The following AGBL1 variants were observed in gnomAD, a reference collection of about 807,000 sequenced individuals.
AGBL1 encodes the protein cytosolic carboxypeptidase 4.
AGBL1 carries 130 observed loss-of-function variants against 118.9 expected under a neutral mutation model. The observed-to-expected ratio is 1.09, with a 90% CI of 0.95 to 1.26. The LOEUF (loss-of-function observed/expected upper bound fraction) is 1.26, where lower values mean the gene tolerates loss of function less well. Ranked by LOEUF, AGBL1 falls within the 50% of genes most tolerant of loss-of-function variation. The pLI is 0.00. For missense variants in AGBL1, 1,584 were observed against 1,298.1 expected (o/e 1.22, Z -3.38); for synonymous variants, 555 against 478.9 (o/e 1.16, Z -2.08).
intron 22 of AGBL1, among the ~76,000 whole-genome samples, chr15:86,821,115 A>C (rs369955433): frequency 4.6e-5 from 7 of 152,138 alleles, no homozygotes; most frequent in East Asian, 3.9e-4. Context: ...CTCATAAGGG[A>C]GTTGAACAAA....
chr15:86,733,968 T>C (rs2077560580), intron 22 of AGBL1, among the ~76,000 whole-genome samples: 1 of 152,174 alleles, frequency 6.6e-6, no homozygotes, highest in Non-Finnish European at 1.5e-5. Flanking sequence ...TCCTCCCTTC[T>C]CTAGGTCTAT....
chr15:86,709,893 A>G (rs1400691022), intron 22 of AGBL1, among the ~76,000 whole-genome samples: 2 of 152,166 alleles, frequency 1.3e-5, no homozygotes, highest in Non-Finnish European at 2.9e-5. Flanking sequence ...CCTAATTGCT[A>G]TTTGTGTTCA....
chr15:86,670,581 G>T (rs1450752322), intron 21 of AGBL1, among the ~76,000 whole-genome samples: 1 of 138,280 alleles, frequency 7.2e-6, no homozygotes, highest in Admixed American at 7.2e-5. Flanking sequence ...TCCAGCCTGG[G>T]TGACAAGAGT....
intron 23 of AGBL1, among the ~76,000 whole-genome samples, chr15:86,937,933 G>A (rs1195057929): frequency 1.3e-5 from 2 of 152,208 alleles, no homozygotes; most frequent in East Asian, 1.9e-4. Context: ...AAGTAGAATT[G>A]CAAGAGGTGA....
At chr15:87,001,577 C>G (rs1477916230) in intron 24 of AGBL1, among the ~76,000 whole-genome samples, 2 of 152,042 alleles carry the variant, frequency 1.3e-5, no homozygotes, top group Non-Finnish European at 2.9e-5. Context: ...AATGGTTGAA[C>G]TAGTTTACAG....
Position 86,947,545 on chromosome 15 carries a change from G to A in AGBL1, c.3222-40442G>A, listed in dbSNP as rs181919465. On this transcript the variant is annotated intron_variant, in intron 23 of 24. Transcript: ENST00000441037. ...AAAGGATTGCTGAGCTAATTCCAGC[G>A]AATTTTTTATTAATTTATTTTGAAA... Among the ~76,000 whole-genome samples, 713 of 152,212 alleles carry A rather than the reference G, an allele frequency of 4.7e-3. 5 individuals carry two copies. Among genetic ancestry groups the A allele is most frequent in the African/African-American group, 0.015 (626 of 41,534 alleles).
At chr15:86,882,358 A>G (rs1234835153) in intron 22 of AGBL1, among the ~76,000 whole-genome samples, 1 of 152,172 alleles carries the variant, frequency 6.6e-6, no homozygotes. Context: ...CAAATAATAA[A>G]ACATCTCTAT....
chr15:86,833,105 C>A (rs1336989692), intron 22 of AGBL1, among the ~76,000 whole-genome samples: 1 of 152,116 alleles, frequency 6.6e-6, no homozygotes, highest in Admixed American at 6.5e-5. Flanking sequence ...AAAGACCCGC[C>A]CCCATGATTC....
intron 22 of AGBL1, among the ~76,000 whole-genome samples, chr15:86,903,105 T>G (rs894726333): frequency 6.6e-6 from 1 of 152,030 alleles, no homozygotes; most frequent in Non-Finnish European, 1.5e-5. Flanking sequence ...TATTTTCACG[T>G]TTTTGTTCAG....
intron 18 of AGBL1, among the ~76,000 whole-genome samples, chr15:86,478,556 C>G (rs915363914): frequency 6.6e-6 from 1 of 152,090 alleles, no homozygotes; most frequent in Non-Finnish European, 1.5e-5. Flanking sequence ...GGGAGAACTA[C>G]AAACCACTGC....
intron 21 of AGBL1, among the ~76,000 whole-genome samples, chr15:86,581,650 C>T (rs2084174224): frequency 6.6e-6 from 1 of 152,138 alleles, no homozygotes; most frequent in African/African-American, 2.4e-5. Context: ...TTCAGTCACC[C>T]ATGAATGGGT....
intron 17 of AGBL1, among the ~76,000 whole-genome samples, chr15:86,315,319 C>T (rs76091668): frequency 0.02 from 3,074 of 152,228 alleles, 107 homozygotes; most frequent in African/African-American, 0.068. Context: ...GCTAGGTAGA[C>T]TTCTAAAGGT....
chr15:86,775,281 A>C (rs2078238810), intron 22 of AGBL1, among the ~76,000 whole-genome samples: 1 of 152,184 alleles, frequency 6.6e-6, no homozygotes, highest in African/African-American at 2.4e-5. Context: ...GTAATAGATT[A>C]ATTCCAGATG....
In AGBL1 at chr15:86,277,147, A is replaced by ATTT. The variant is rs60962004; in HGVS notation, c.2076-2478_2076-2476dup. The stretch of plus-strand genomic sequence containing the variant: ...TTCTAAATAAGGTGTTTATAATAAG[A>ATTT]TTTTTTTTTTTTTTTTGGAATTCCA... On this transcript the variant is annotated intron_variant, in intron 15 of 22. Coordinates refer to ENST00000614907, the MANE Select transcript of AGBL1 (RefSeq NM_001386094.1). Among the ~76,000 whole-genome samples, 256 of 143,384 alleles carry ATTT rather than the reference A, an allele frequency of 1.8e-3. 1 individual carries two copies. Among genetic ancestry groups the ATTT allele is most frequent in the African/African-American group, 4.9e-3 (190 of 39,118 alleles). 94.1% of individuals were successfully genotyped at this position (143,384 alleles called of 152,430 possible). A position where few individuals can be genotyped will look rare whatever the true frequency, so the allele number is the denominator to read the frequency against.
At chr15:86,708,375 C>G (rs780820366) in intron 22 of AGBL1, among the ~76,000 whole-genome samples, 1 of 152,068 alleles carries the variant, frequency 6.6e-6, no homozygotes, top group Non-Finnish European at 1.5e-5. Context: ...CATATGAGGA[C>G]ACAGTGAGAA....
chr15:86,455,790 A>G (rs948338002), intron 18 of AGBL1, among the ~76,000 whole-genome samples: 3 of 152,126 alleles, frequency 2.0e-5, no homozygotes, highest in African/African-American at 2.4e-5. Flanking sequence ...TCTCCATTTT[A>G]TAGGTGAGTT....
chr15:86,729,237 C>A (rs1421197566), intron 22 of AGBL1, among the ~76,000 whole-genome samples: 1 of 152,086 alleles, frequency 6.6e-6, no homozygotes, highest in Non-Finnish European at 1.5e-5. Flanking sequence ...TGAAAAATAG[C>A]TCAAATGATT....
rs1048795039 is a variant in AGBL1, at chr15:86,096,462, C to T, written c.51+16439C>T. 5.3e-5 allele frequency among the ~76,000 whole-genome samples: 8 copies of T among 152,202 alleles called. No individual in the cohort carries two copies. The East Asian group carries it at 9.7e-4, about 18-fold the overall frequency. ...GGCAGCTAAATCTAGATCATATACTCTCAGTAGGAGGTTTTTTACCTTTCA... is the reference window on the plus strand; with the variant it reads ...GGCAGCTAAATCTAGATCATATACTTTCAGTAGGAGGTTTTTTACCTTTCA... On this transcript the variant is annotated intron_variant, in intron 1 of 22. Coordinates refer to ENST00000614907, the MANE Select transcript of AGBL1 (RefSeq NM_001386094.1).
At chr15:86,183,731 A>G (rs2141803013) in intron 5 of AGBL1, among the ~76,000 whole-genome samples, 1 of 152,298 alleles carries the variant, frequency 6.6e-6, no homozygotes, top group East Asian at 1.9e-4. Context: ...ATAAAATCAC[A>G]TTTTATGTGG....
Sources: gnomAD v4.1 joint callset for allele counts (sites outside exome capture counted in the v4.1 genomes callset) on GRCh38, gnomAD v4.1.1 for gene constraint, MANE v1.5 for transcripts, NCBI Gene and HGNC (gene_info 2026-07-23, HGNC 2026-07-21) for gene names.